Variants in DNAH14 observed in about 807,000 individuals in gnomAD.
DNAH14 encodes the protein dynein axonemal heavy chain 14, also known as axonemal beta dynein heavy chain 14.
A neutral mutation model predicts 520.9 loss-of-function variants in DNAH14; 478 were observed. That is an observed-to-expected ratio of 0.92 (90% CI 0.85 to 0.99). DNAH14 has a LOEUF of 0.99. Ranked by LOEUF, DNAH14 falls within the 50% of genes least tolerant of loss-of-function variation. The pLI is 0.00. For synonymous variants in DNAH14, 1,581 were observed against 1,757.2 expected, an observed-to-expected ratio of 0.90 and a Z score of 2.51; for missense variants, 4,831 against 5,234.5, an observed-to-expected ratio of 0.92 and a Z score of 2.38.
At position 225,068,857 on chromosome 1, in the gene DNAH14, C is replaced by T. The variant is rs113610312; in HGVS notation, c.2425-10350C>T. On this transcript the variant is annotated intron_variant, in intron 17 of 85. Transcript: ENST00000682510. Reference sequence around the variant, plus strand: ...GAAGCTTTTGGGAGGCCGAGGCGGGCGGATCACGAGGTCAGGAGATCGAGA... The same window carrying T: ...GAAGCTTTTGGGAGGCCGAGGCGGGTGGATCACGAGGTCAGGAGATCGAGA... Among the ~76,000 whole-genome samples the T allele has an allele frequency of 2.6e-3, 3 of 1,158 alleles. 1 individual carries two copies. Among genetic ancestry groups the T allele is most frequent in the South Asian group, 0.012 (1 of 86 alleles). 0.8% of individuals were successfully genotyped at this position (1,158 alleles called of 152,430 possible).
At chr1:225,335,874 T>TGTACATATGTGTAC (rs2095011676) in intron 66 of DNAH14, among the ~76,000 whole-genome samples, 1 of 36,308 alleles carries the variant, frequency 2.8e-5, no homozygotes, top group Admixed American at 2.5e-4. Context: ...TACATACACA[T>TGTACATATGTGTAC]ATACATATAT....
At chr1:225,138,536 C>G (rs2079158313) in intron 27 of DNAH14, among the ~76,000 whole-genome samples, 1 of 152,176 alleles carries the variant, frequency 6.6e-6, no homozygotes, top group African/African-American at 2.4e-5. Context: ...GAACCTGGGG[C>G]TGGAGCATGC....
intron 41 of DNAH14, among the ~76,000 whole-genome samples, chr1:225,217,342 A>C (rs562649499): frequency 6.6e-6 from 1 of 152,274 alleles, no homozygotes; most frequent in East Asian, 1.9e-4. Context: ...TAGGCTCCTC[A>C]GGCATCAGGG....
intron 26 of DNAH14, among the ~76,000 whole-genome samples, chr1:225,122,146 T>C (rs2077350776): frequency 1.3e-5 from 2 of 152,220 alleles, no homozygotes; most frequent in African/African-American, 4.8e-5. Context: ...CCCTCTCCTT[T>C]TATTTTAAAG....
At chr1:225,142,639 TG>T (rs2079560128) in intron 28 of DNAH14, among the ~76,000 whole-genome samples, 1 of 152,074 alleles carries the variant, frequency 6.6e-6, no homozygotes, top group Admixed American at 6.6e-5. Context: ...TATTTAAAAA[TG>T]AAATAAGGCC....
chr1:225,180,261 G>T (rs564141839), intron 36 of DNAH14, among the ~76,000 whole-genome samples: 2,323 of 152,170 alleles, frequency 0.015, 47 homozygotes, highest in East Asian at 0.053. Context: ...CTCTTTTGAT[G>T]CTGTTCCACA....
chr1:224,935,331 T>C (rs1284412398), intron 1 of DNAH14, among the ~76,000 whole-genome samples: 2 of 151,802 alleles, frequency 1.3e-5, no homozygotes, highest in Non-Finnish European at 3.0e-5. Context: ...TATATGCTGC[T>C]TACAAGAAAC....
Position 225,398,622 on chromosome 1 carries a change from G to A in DNAH14, c.13594G>A (p.Glu4532Lys). 1 of 1,551,730 alleles carries A rather than the reference G, an allele frequency of 6.4e-7. No homozygotes were observed. The highest frequency in any genetic ancestry group is 8.7e-7 in the Non-Finnish European group (1 of 1,146,996). Residue 4532 changes from glutamate (E) to lysine (K), a missense_variant, in exon 85 of 86, where the codon GAG becomes AAG. Coordinates refer to ENST00000682510, the MANE Select transcript of DNAH14 (RefSeq NM_001367479.1). ...AATACTGGAAGACTCGCTGCCTCTG[G>A]AGATGTGCTGTGATTTTCCCGACAT... Reference protein sequence around the residue: ...QKILEDSLPLEMCCDFPDIYF... With the variant: ...QKILEDSLPLKMCCDFPDIYF...
chr1:225,338,156 T>C lies in DNAH14; in HGVS notation c.10407T>C (p.Ala3469=). The part of the protein sequence containing the change: ...KGHYFIRVGD[A]EFEYNSNFRL... ...ACTATTTCATAAGGGTTGGTGATGC[T>C]GAGTTCGAATACAATTCAAATTTTA... Residue 3469 remains alanine (A), a synonymous_variant, in exon 68 of 86, where the codon GCT becomes GCC. Transcript: ENST00000682510. The C allele has an allele frequency of 6.4e-7, 1 of 1,551,964 alleles. No homozygotes were observed. Among genetic ancestry groups the C allele is most frequent in the Non-Finnish European group, 8.7e-7 (1 of 1,147,014 alleles).
At chr1:225,211,591 A>G (rs1301643911) in intron 41 of DNAH14, among the ~76,000 whole-genome samples, 1 of 152,208 alleles carries the variant, frequency 6.6e-6, no homozygotes, top group Admixed American at 6.5e-5. Context: ...GATATCCAGA[A>G]GAACTTCCCC....
chr1:224,951,238 C>G (rs2060151465), intron 1 of DNAH14, among the ~76,000 whole-genome samples: 1 of 152,068 alleles, frequency 6.6e-6, no homozygotes, highest in African/African-American at 2.4e-5. Context: ...CTTGCCTAAG[C>G]TGGTCTCGAA....
Position 224,937,183 on chromosome 1 carries a change from A to G in DNAH14, c.-34+7348A>G, listed in dbSNP as rs191212331. Among the ~76,000 whole-genome samples the G allele has an allele frequency of 2.3e-3, 345 of 152,136 alleles. 3 individuals carry two copies. The highest frequency in any genetic ancestry group is 7.7e-3 in the African/African-American group (318 of 41,562). ...ATACCCACTTTGCCACTTTTATTTG[A>G]CATACTTCTGGAAGTCTTGGCCAGA... is the stretch of plus-strand genomic sequence containing the variant. On this transcript the variant is annotated intron_variant, in intron 1 of 85. Coordinates refer to ENST00000682510, the MANE Select transcript of DNAH14 (RefSeq NM_001367479.1).
intron 23 of DNAH14, among the ~76,000 whole-genome samples, chr1:225,108,616 T>A (rs1370142286): frequency 2.0e-5 from 3 of 152,192 alleles, no homozygotes. Flanking sequence ...TAGTTATTAA[T>A]CCCTTGTCAG....
intron 47 of DNAH14, 42 bp downstream of exon 47, chr1:225,264,303 A>G (rs903526445): frequency 1.4e-6 from 2 of 1,404,746 alleles, no homozygotes; most frequent in African/African-American, 2.9e-5. Flanking sequence ...CTATGTTTCA[A>G]AACTTCACAA....
intron 41 of DNAH14, among the ~76,000 whole-genome samples, chr1:225,226,531 T>C (rs1407418731): frequency 6.6e-6 from 1 of 152,186 alleles, no homozygotes; most frequent in Non-Finnish European, 1.5e-5. Context: ...GGGAGGTCTG[T>C]CACGGAGGAC....
intron 69 of DNAH14, among the ~76,000 whole-genome samples, chr1:225,342,823 G>A (rs927879594): frequency 6.6e-6 from 1 of 151,934 alleles, no homozygotes; most frequent in Non-Finnish European, 1.5e-5. Flanking sequence ...AACTTTTGGG[G>A]CGGGGATGCC....
intron 22 of DNAH14, 28 bp from the exon 23 acceptor site, chr1:225,100,685 A>C: frequency 2.0e-6 from 3 of 1,463,842 alleles, no homozygotes; most frequent in South Asian, 1.5e-5. Flanking sequence ...TAAAAAAAAT[A>C]AAATGACATC....
At chr1:225,392,758 G>A (rs1412317932) in intron 84 of DNAH14, among the ~76,000 whole-genome samples, 1 of 152,240 alleles carries the variant, frequency 6.6e-6, no homozygotes, top group Admixed American at 6.5e-5. Flanking sequence ...ATCAAAAGGT[G>A]ATATTTTAAA....
chr1:225,345,928 T>G (rs556891284), intron 69 of DNAH14, 34 bp from the exon 70 acceptor site: 1 of 1,498,572 alleles, frequency 6.7e-7, no homozygotes, highest in Non-Finnish European at 9.0e-7. Flanking sequence ...GTTACAATAG[T>G]CTTTATTTAA....
Sources: allele counts gnomAD v4.1 joint callset (sites outside exome capture counted in the v4.1 genomes callset), GRCh38; gene constraint gnomAD v4.1.1; transcripts MANE v1.5; gene names NCBI Gene and HGNC (gene_info 2026-07-23, HGNC 2026-07-21).